The following CA12 variants were observed in gnomAD, a reference collection of about 807,000 sequenced individuals.
CA12 encodes carbonic anhydrase 12.
In CA12, 36 loss-of-function variants were observed where a neutral mutation model predicts 46.8. That is an observed-to-expected ratio of 0.77 (90% CI 0.59 to 1.02). The LOEUF is 1.02. Among genes scored for constraint, CA12 ranks in the 50% least tolerant of loss-of-function variants. The pLI is 0.00. For synonymous variants in CA12, 202 were observed against 187.0 expected, an observed-to-expected ratio of 1.08 and a Z score of -0.65; for missense variants, 436 against 451.4, an observed-to-expected ratio of 0.97 and a Z score of 0.31.
rs1285712286 is a variant in CA12, at chr15:63,324,104, A to C, written c.*2181T>G. 1 of 152,268 alleles carries C rather than the reference A, an allele frequency of 6.6e-6. No homozygotes were observed. The allele number at this position is 152,268 out of a possible 1,614,324, so 9.4% of individuals were successfully genotyped here. A position where few individuals can be genotyped will look rare whatever the true frequency, so the allele number is the denominator to read the frequency against. Reference sequence around the variant, plus strand: ...CCAGTTCCAAAGCTGGACCCACAGGAATCCTGTGAGGATTTGCAAAGACAT... The same window carrying C: ...CCAGTTCCAAAGCTGGACCCACAGGCATCCTGTGAGGATTTGCAAAGACAT... On this transcript the variant is annotated 3_prime_UTR_variant, in exon 11 of 11. Coordinates refer to ENST00000178638, the MANE Select transcript of CA12 (RefSeq NM_001218.5).
intron 2 of CA12, among the ~76,000 whole-genome samples, chr15:63,353,086 C>G (rs1034872736): frequency 6.6e-6 from 1 of 152,114 alleles, no homozygotes; most frequent in Non-Finnish European, 1.5e-5. Flanking sequence ...GCTCTAGTCT[C>G]TGACCTTGCG....
intron 2 of CA12, among the ~76,000 whole-genome samples, chr15:63,351,141 G>C (rs1226326523): frequency 6.6e-6 from 1 of 152,198 alleles, no homozygotes; most frequent in Non-Finnish European, 1.5e-5. Context: ...TTATGGCCTA[G>C]ATTACAGCTT....
At position 63,355,450 on chromosome 15, in the gene CA12, G is replaced by A. The variant is rs1407841276; in HGVS notation, c.107-8741C>T. ...GAACTCATTCAAAATGCAGAGTCTC[G>A]GGCCCCACCCCAGGCCTACCGAACC... On this transcript the variant is annotated intron_variant, in intron 2 of 10. Transcript: ENST00000178638. The surrounding 1 kb of genome is among the most constrained non-coding windows in gnomAD (Gnocchi z 4.1). Among the ~76,000 whole-genome samples, 4 of 152,024 alleles carry A rather than the reference G, an allele frequency of 2.6e-5. No individual in the cohort carries two copies. Among genetic ancestry groups the A allele is most frequent in the East Asian group, 1.9e-4 (1 of 5,188 alleles).
rs1457450526 is a variant in CA12 at position 63,370,494 on chromosome 15, G to A, written c.106+5164C>T. The stretch of plus-strand genomic sequence containing the variant: ...AAAGATAGGAAAAGCATATCTGGGC[G>A]GGGCACGGTGGCTCATGCCTGTAAT... On this transcript the variant is annotated intron_variant, in intron 2 of 10. Coordinates refer to ENST00000178638, the MANE Select transcript of CA12 (RefSeq NM_001218.5). Among the ~76,000 whole-genome samples, 8 of 146,920 alleles carry A rather than the reference G, an allele frequency of 5.4e-5. No homozygotes were observed. The South Asian group carries it at 6.6e-4, about 12-fold the overall frequency.
rs2039280955 is a variant in CA12, at chr15:63,355,329, C to G, written c.107-8620G>C. ...TTTGCATTTCTCTTCCTTGCAGCAG[C>G]CACACTGATCAAAGCAATATTGTCT... On this transcript the variant is annotated intron_variant, in intron 2 of 10. Transcript: ENST00000178638. This position sits in a 1 kb window ranked among gnomAD's most constrained non-coding sequence, Gnocchi z 4.1. Among the ~76,000 whole-genome samples, 3 of 152,226 alleles carry G rather than the reference C, an allele frequency of 2.0e-5. No homozygotes were observed. Among genetic ancestry groups the G allele is most frequent in the Non-Finnish European group, 4.4e-5 (3 of 68,044 alleles).
rs1328433103 is a variant in CA12 at position 63,373,624 on chromosome 15, A to G, written c.106+2034T>C. 6.6e-6 allele frequency among the ~76,000 whole-genome samples: 1 copy of G among 152,168 alleles called. No homozygotes were observed. Among genetic ancestry groups the G allele is most frequent in the East Asian group, 1.9e-4 (1 of 5,196 alleles). ...GAATCACTTGGGGAGTGCGTTAAGA[A>G]TACAGGTTTTTCAGGCTCCCTCCCT... is the stretch of plus-strand genomic sequence containing the variant. On this transcript the variant is annotated intron_variant, in intron 2 of 10. Transcript: ENST00000178638. The surrounding 1 kb of genome is among the most constrained non-coding windows in gnomAD (Gnocchi z 4.9).
At chr15:63,368,995 C>T (rs1350551487) in intron 2 of CA12, among the ~76,000 whole-genome samples, 1 of 152,156 alleles carries the variant, frequency 6.6e-6, no homozygotes, top group East Asian at 1.9e-4. Flanking sequence ...AGGGGCTTGG[C>T]TGAGGAGGCC....
chr15:63,376,618 C>T (rs1306779717), intron 1 of CA12, among the ~76,000 whole-genome samples: 1 of 147,620 alleles, frequency 6.8e-6, no homozygotes, highest in Non-Finnish European at 1.5e-5. Context: ...CTCTCGCTCT[C>T]TCTCTTTCTT....
At chr15:63,370,920 C>G (rs916046617) in intron 2 of CA12, among the ~76,000 whole-genome samples, 13 of 152,148 alleles carry the variant, frequency 8.5e-5, no homozygotes, top group Non-Finnish European at 1.6e-4. Context: ...GCCAAGCCTC[C>G]CTCCCTTTGA....
intron 8 of CA12, 150 bp downstream of exon 8, chr15:63,338,669 A>G: frequency 1.0e-6 from 1 of 980,122 alleles, no homozygotes; most frequent in Non-Finnish European, 1.6e-6. Flanking sequence ...CCCCACACCT[A>G]GTCTCACAAG....
intron 2 of CA12, among the ~76,000 whole-genome samples, chr15:63,359,190 C>A (rs764302320): frequency 6.6e-6 from 1 of 152,182 alleles, no homozygotes; most frequent in Non-Finnish European, 1.5e-5. Flanking sequence ...CTGGCTACCC[C>A]CTTTGGATAA....
At chr15:63,360,351 G>A (rs981036879) in intron 2 of CA12, among the ~76,000 whole-genome samples, 13 of 152,224 alleles carry the variant, frequency 8.5e-5, no homozygotes, top group African/African-American at 2.4e-4. Context: ...GAAAGGAGAC[G>A]TGATCTTTAT....
At position 63,346,677 on chromosome 15, in the gene CA12, A is replaced by G. The variant is rs766967354; in HGVS notation, c.139T>C (p.Tyr47His). ...TGCAGCAGGCCCCCACACGACGGGT[A>G]CTTCTTGGACCAGCTATTCTCCCCA... is the stretch of plus-strand genomic sequence containing the variant. ...PDGENSWSKK[Y>H]PSCGGLLQSP... is the part of the protein sequence containing the mutation. Residue 47 changes from tyrosine (Y) to histidine (H), a missense_variant, in exon 3 of 11, where the codon TAC becomes CAC. Physicochemically the swap from Tyr to His is moderately conservative, Grantham distance 83. Transcript: ENST00000178638. The G allele has an allele frequency of 6.2e-7, 1 of 1,614,190 alleles. No homozygotes were observed. The highest frequency in any genetic ancestry group is 8.5e-7 in the Non-Finnish European group (1 of 1,180,036).
In CA12 at chr15:63,381,650, G is replaced by A. The variant is rs753962606; in HGVS notation, c.71C>T (p.Pro24Leu). 50 of 1,611,388 alleles carry A rather than the reference G, an allele frequency of 3.1e-5. No individual in the cohort carries two copies. The South Asian group carries it at 4.6e-4, about 15-fold the overall frequency. ...LVILKEQPSS[P>L]APVNGSKWTY... is the part of the protein sequence containing the mutation. ...GGAAACTTTACCGTTCACTGGGGCC[G>A]GGCTGGAAGGCTGTTCCTTTAAGAT... is the stretch of plus-strand genomic sequence containing the variant. The change falls in exon 1 of 11, where the codon CCG becomes CTG. Residue 24 changes from proline (P) to leucine (L), a missense_variant. Pro to Leu is a moderately conservative substitution (Grantham distance 98). Transcript: ENST00000178638.
intron 8 of CA12, 131 bp downstream of exon 8, chr15:63,338,688 T>G (rs1567043128): frequency 3.3e-6 from 4 of 1,214,782 alleles, no homozygotes; most frequent in Non-Finnish European, 4.8e-6. Flanking sequence ...AGGCGCCTGG[T>G]TCCCGTGGCA....
rs759592477 is a variant in CA12, at chr15:63,345,605, G to T, written c.301C>A (p.Pro101Thr). 11 of 1,612,730 alleles carry T rather than the reference G, an allele frequency of 6.8e-6. No individual in the cohort carries two copies. Among genetic ancestry groups the T allele is most frequent in the Non-Finnish European group, 9.3e-6 (11 of 1,179,964 alleles). The change falls in exon 4 of 11, where the codon CCC becomes ACC. Residue 101 changes from proline (P) to threonine (T), a missense_variant. Physicochemically the swap from Pro to Thr is conservative, Grantham distance 38. Coordinates refer to ENST00000178638, the MANE Select transcript of CA12 (RefSeq NM_001218.5). The surrounding 1 kb of genome is among the most constrained non-coding windows in gnomAD (Gnocchi z 4.3). ...AGGCCCTGGATGTGCATGTCCGAGG[G>T]CAGGTTCAGCTTCACTGCGGGGAGT... ...NNGHSVKLNL[P>T]SDMHIQGLQS...
Position 63,327,117 on chromosome 15 carries a change from T to G in CA12, c.992+32A>C. On this transcript the variant is annotated intron_variant, in intron 10 of 10. Transcript: ENST00000178638. This position sits in a 1 kb window ranked among gnomAD's most constrained non-coding sequence, Gnocchi z 4.5. ...ACTAATCATCATGGACACATAGCTGTCCATTCCCATTTTGGACCCAAACCA... is the reference window on the plus strand; with the variant it reads ...ACTAATCATCATGGACACATAGCTGGCCATTCCCATTTTGGACCCAAACCA... The G allele has an allele frequency of 6.4e-7, 1 of 1,574,720 alleles. No homozygotes were observed. Among genetic ancestry groups the G allele is most frequent in the Non-Finnish European group, 8.7e-7 (1 of 1,144,382 alleles).
rs1270516164 is a variant in CA12 at position 63,346,558 on chromosome 15, C to T, written c.258G>A (p.Gln86=). The change falls in exon 3 of 11, where the codon CAG becomes CAA. Residue 86 remains glutamine, a synonymous_variant. Transcript: ENST00000178638. ...FQGYNLSANK[Q]FLLTNNGHSV... The stretch of plus-strand genomic sequence containing the variant: ...AATGGCCATTGTTGGTCAGGAGAAA[C>T]TGCTTGTTGGCAGACAGATTGTAGC... 2 of 1,613,954 alleles carry T rather than the reference C, an allele frequency of 1.2e-6. No homozygotes were observed. Among genetic ancestry groups the T allele is most frequent in the Non-Finnish European group, 1.7e-6 (2 of 1,180,022 alleles).
chr15:63,342,205 AG>A (rs1380746388), intron 4 of CA12, 108 bp from the exon 5 acceptor site: 3 of 753,286 alleles, frequency 4.0e-6, no homozygotes, highest in African/African-American at 1.7e-5. Context: ...CAGCCCCCTC[AG>A]CCCCCCAGAC....
Sources: gnomAD v4.1 joint callset for allele counts (sites outside exome capture counted in the v4.1 genomes callset) on GRCh38, gnomAD v4.1.1 for gene constraint, Gnocchi (gnomAD v3.1) non-coding constraint, MANE v1.5 for transcripts, NCBI Gene and HGNC (gene_info 2026-07-23, HGNC 2026-07-21) for gene names.